ADGRA2: variants seen among roughly 807,000 people sequenced by gnomAD.
ADGRA2 encodes the protein G-protein coupled receptor 124.
ADGRA2 carries 61 observed loss-of-function variants against 98.7 expected under a neutral mutation model. That is an observed-to-expected ratio of 0.62 (90% CI 0.50 to 0.76). The LOEUF (loss-of-function observed/expected upper bound fraction) is 0.76. ADGRA2 is among the 30% of genes least tolerant of loss of function. The pLI is 0.00. For missense variants in ADGRA2, 1,712 were observed against 1,860.0 expected, an observed-to-expected ratio of 0.92 and a Z score of 1.46; for synonymous variants, 858 against 831.5, an observed-to-expected ratio of 1.03 and a Z score of -0.55.
chr8:37,837,809 C>T lies in ADGRA2; in HGVS notation c.2129C>T (p.Ala710Val). The T allele has an allele frequency of 6.5e-7, 1 of 1,544,558 alleles. No individual in the cohort carries two copies. ...TGGGCTGAGGGAGCCGAACCTGTGG[C>T]CGCTTGGTGGAGCCAGGAGGGGCCC... ...RHWAEGAEPV[A>V]AWWSQEGPGE... The change falls in exon 14 of 19, where the codon GCC (alanine) becomes GTC (valine). Residue 710 changes from alanine to valine, a missense_variant. By Grantham distance (64) the Ala-to-Val change is moderately conservative. Transcript: ENST00000412232.
In ADGRA2 at chr8:37,829,552, A is replaced by G. The variant is rs1166284153; in HGVS notation, c.547A>G (p.Lys183Glu). 5 of 1,609,048 alleles carry G rather than the reference A, an allele frequency of 3.1e-6. No homozygotes were observed. The highest frequency in any genetic ancestry group is 4.3e-6 in the Non-Finnish European group (5 of 1,175,616). Residue 183 changes from lysine to glutamate, a missense_variant, in exon 5 of 19, where the codon AAG becomes GAG. By Grantham distance (56) the Lys-to-Glu change is moderately conservative. Coordinates refer to ENST00000412232, the MANE Select transcript of ADGRA2 (RefSeq NM_032777.10). ...GGTCTTTGATGAGCTGCCAGCCCTT[A>G]AGGTTGTGTGAGTATCTCTTCCTAG... ...PGVFDELPAL[K>E]VVDLGTEFLT...
chr8:37,818,425 C>T (rs1805038004), intron 2 of ADGRA2, among the ~76,000 whole-genome samples: 1 of 152,250 alleles, frequency 6.6e-6, no homozygotes, highest in Admixed American at 6.5e-5. Flanking sequence ...TTCTCCAGCA[C>T]CAAGGCTCTG....
At chr8:37,835,025 TAA>T (rs10542666) in intron 11 of ADGRA2, 147 bp from the exon 12 acceptor site, 202,390 of 552,030 alleles carry the variant, frequency 0.37, 35,316 homozygotes, top group East Asian at 0.61. Flanking sequence ...TCTGTTCCTC[TAA>T]AAAAAAAAAG....
chr8:37,824,227 C>T (rs1055944845), intron 2 of ADGRA2, among the ~76,000 whole-genome samples: 1 of 151,938 alleles, frequency 6.6e-6, no homozygotes. Context: ...AGATGGGTTT[C>T]ACCATGTTAG....
At position 37,844,375 on chromosome 8, in the gene ADGRA2, T is replaced by C. The variant is rs1046513330; in HGVS notation, c.*2020T>C. 7.1e-7 allele frequency: 1 copy of C among 1,402,840 alleles called. No individual in the cohort carries two copies. Among genetic ancestry groups the C allele is most frequent in the Admixed American group, 2.1e-5 (1 of 47,888 alleles). 86.9% of individuals were successfully genotyped at this position (1,402,840 alleles called of 1,614,324 possible). On this transcript the variant is annotated 3_prime_UTR_variant, in exon 19 of 19. Coordinates refer to ENST00000412232, the MANE Select transcript of ADGRA2 (RefSeq NM_032777.10). ...CAACTAATGGCAGAGCCCCTCTTGGTTCCTTCAAACAAGAAAAGCAATACC... is the reference window on the plus strand; with the variant it reads ...CAACTAATGGCAGAGCCCCTCTTGGCTCCTTCAAACAAGAAAAGCAATACC...
Position 37,844,527 on chromosome 8 carries a change from G to A in ADGRA2, c.*2172G>A. 6.2e-7 allele frequency: 1 copy of A among 1,613,658 alleles called. No individual in the cohort carries two copies. The highest frequency in any genetic ancestry group is 1.3e-5 in the African/African-American group (1 of 75,012). ...AGGGACACTCGTGGCAGCCTGTCTA[G>A]CAGCCTGGGCTCTCTGAAAGTCCCT... On this transcript the variant is annotated 3_prime_UTR_variant, in exon 19 of 19. Coordinates refer to ENST00000412232, the MANE Select transcript of ADGRA2 (RefSeq NM_032777.10).
intron 15 of ADGRA2, 30 bp downstream of exon 15, chr8:37,839,113 G>C: frequency 1.2e-6 from 2 of 1,607,408 alleles, no homozygotes; most frequent in Non-Finnish European, 1.7e-6. Context: ...GGAGGGCGTG[G>C]TGGGCAGGCA....
chr8:37,826,824 C>T (rs1430151240), intron 2 of ADGRA2, among the ~76,000 whole-genome samples: 1 of 152,098 alleles, frequency 6.6e-6, no homozygotes, highest in Non-Finnish European at 1.5e-5. Flanking sequence ...CTCCTCAGCC[C>T]CCCACCCCTG....
chr8:37,844,621 T>C lies in ADGRA2; in HGVS notation c.*2266T>C, dbSNP rs567273563. 8.8e-4 allele frequency: 1,425 copies of C among 1,614,080 alleles called. 25 individuals are homozygous for C. In the South Asian group the frequency reaches 0.015, roughly 17 times the overall value. ...GAAATGTTCTCATCTCCAGTGACAG[T>C]GGAGACAGGGGGTACAGGGCAGATC... is the stretch of plus-strand genomic sequence containing the variant. On this transcript the variant is annotated 3_prime_UTR_variant, in exon 19 of 19. Coordinates refer to ENST00000412232, the MANE Select transcript of ADGRA2 (RefSeq NM_032777.10).
At chr8:37,835,494 G>A in intron 12 of ADGRA2, 60 bp from the exon 13 acceptor site, 4 of 1,492,138 alleles carry the variant, frequency 2.7e-6, no homozygotes, top group Non-Finnish European at 3.7e-6. Context: ...GGAGGGGGCT[G>A]CAAGACATCA....
Position 37,831,005 on chromosome 8 carries a change from TG to T in ADGRA2, c.932+83del, listed in dbSNP as rs1206311531. The T allele has an allele frequency of 3.1e-6, 3 of 970,782 alleles. No homozygotes were observed. In the East Asian group the frequency reaches 7.9e-5, roughly 25 times the overall value. 60.1% of individuals were successfully genotyped at this position (970,782 alleles called of 1,614,324 possible). A position where few individuals can be genotyped will look rare whatever the true frequency, so the allele number is the denominator to read the frequency against. Reference sequence around the variant, plus strand: ...ACCCGTCACCACCCCGCAAAAGAGCTGCCCCCAGATGTGTTCCCGGGAGACT... The same window carrying T: ...ACCCGTCACCACCCCGCAAAAGAGCTCCCCCAGATGTGTTCCCGGGAGACT... On this transcript the variant is annotated intron_variant, in intron 7 of 18. Transcript: ENST00000412232.
At chr8:37,820,074 G>A (rs1805089936) in intron 2 of ADGRA2, among the ~76,000 whole-genome samples, 1 of 152,182 alleles carries the variant, frequency 6.6e-6, no homozygotes, top group Admixed American at 6.5e-5. Context: ...AGGAGCAGAC[G>A]CTGCAGTCTT....
intron 2 of ADGRA2, among the ~76,000 whole-genome samples, chr8:37,827,200 G>A (rs1019675376): frequency 6.6e-6 from 1 of 152,246 alleles, no homozygotes; most frequent in Non-Finnish European, 1.5e-5. Context: ...AGAGCCAGCT[G>A]GCCTTTGAGT....
intron 1 of ADGRA2, among the ~76,000 whole-genome samples, chr8:37,810,931 ATAGTGAAACCCCGTCTC>A (rs1309396892): frequency 6.6e-6 from 1 of 151,388 alleles, no homozygotes; most frequent in Non-Finnish European, 1.5e-5. Flanking sequence ...CCTGGCTAAC[ATAGTGAAACCCCGTCTC>A]TACTAAAAAA....
intron 13 of ADGRA2, 144 bp downstream of exon 13, chr8:37,835,914 A>G (rs1239107544): frequency 1.6e-6 from 1 of 630,276 alleles, no homozygotes; most frequent in Non-Finnish European, 2.9e-6. Flanking sequence ...CCTTTTCCCA[A>G]CAGGGCAGAG....
intron 2 of ADGRA2, among the ~76,000 whole-genome samples, chr8:37,826,528 C>T (rs921609296): frequency 5.3e-5 from 8 of 152,196 alleles, no homozygotes; most frequent in African/African-American, 1.9e-4. Flanking sequence ...GTGGCCCCTT[C>T]CCTTCCTTCT....
At position 37,800,034 on chromosome 8, in the gene ADGRA2, C is replaced by T. The variant is rs560698521; in HGVS notation, c.266+2500C>T. 6.6e-5 allele frequency among the ~76,000 whole-genome samples: 10 copies of T among 152,270 alleles called. No homozygotes were observed. The South Asian group carries it at 1.9e-3, about 28-fold the overall frequency. On this transcript the variant is annotated intron_variant, in intron 1 of 18. Coordinates refer to ENST00000412232, the MANE Select transcript of ADGRA2 (RefSeq NM_032777.10). ...CTCAGTCCCTCCAGCACCCCCACAC[C>T]CACCCCAGGATGCATCTTGAGGGAG...
chr8:37,798,196 G>T (rs1804396813), intron 1 of ADGRA2, among the ~76,000 whole-genome samples: 2 of 152,244 alleles, frequency 1.3e-5, no homozygotes, highest in African/African-American at 4.8e-5. Flanking sequence ...CGTTTGTGCA[G>T]TGAGCTCTGT....
At chr8:37,807,210 C>T (rs555246579) in intron 1 of ADGRA2, among the ~76,000 whole-genome samples, 36 of 152,286 alleles carry the variant, frequency 2.4e-4, no homozygotes, top group African/African-American at 8.2e-4. Flanking sequence ...AGTGCAGGAG[C>T]GGGCAGAACA....
Sources: gnomAD v4.1 joint callset for allele counts (sites outside exome capture counted in the v4.1 genomes callset) on GRCh38, gnomAD v4.1.1 for gene constraint, MANE v1.5 for transcripts, NCBI Gene and HGNC (gene_info 2026-07-23, HGNC 2026-07-21) for gene names.